POU6F2: variants seen among roughly 807,000 people sequenced by gnomAD.
POU6F2 encodes POU domain, class 6, transcription factor 2.
In POU6F2, 31 loss-of-function variants were observed where a neutral mutation model predicts 71.3. The observed-to-expected ratio is 0.43, with a 90% CI of 0.33 to 0.59. POU6F2 has a LOEUF of 0.59. Among genes scored for constraint, POU6F2 ranks in the 20% least tolerant of loss-of-function variants. The pLI, the probability that POU6F2 is intolerant of heterozygous loss-of-function variation, is 0.04. For synonymous variants in POU6F2, 347 were observed against 355.7 expected (o/e 0.98, Z 0.27); for missense variants, 783 against 856.8 (o/e 0.91, Z 1.07).
intron 1 of POU6F2, among the ~76,000 whole-genome samples, chr7:39,041,234 C>A (rs1269182268): frequency 1.3e-5 from 2 of 151,974 alleles, no homozygotes; most frequent in Non-Finnish European, 2.9e-5. Flanking sequence ...ATCGATGGAA[C>A]CATCTCTCTA....
At chr7:39,075,281 C>A (rs966213291) in intron 1 of POU6F2, among the ~76,000 whole-genome samples, 1 of 152,078 alleles carries the variant, frequency 6.6e-6, no homozygotes, top group Non-Finnish European at 1.5e-5. Flanking sequence ...AAAGCTAGAC[C>A]AGGCTCCAAA....
intron 4 of POU6F2, among the ~76,000 whole-genome samples, chr7:39,307,333 A>G (rs1413052381): frequency 1.3e-5 from 2 of 152,240 alleles, no homozygotes; most frequent in Non-Finnish European, 2.9e-5. Flanking sequence ...ATTAAAGTTA[A>G]TATTTTTTAG....
chr7:39,171,864 TAACTTACATCTTTCATGCTCA>T (rs1179732646), intron 2 of POU6F2, among the ~76,000 whole-genome samples: 1 of 152,222 alleles, frequency 6.6e-6, no homozygotes, highest in Non-Finnish European at 1.5e-5. Context: ...TCTGTATATT[TAACTTACATCTTTCATGCTCA>T]ACAGTTTCAT....
chr7:39,342,880 G>A (rs1323705837), intron 5 of POU6F2, among the ~76,000 whole-genome samples: 3 of 152,128 alleles, frequency 2.0e-5, no homozygotes, highest in Non-Finnish European at 4.4e-5. Flanking sequence ...AAACCAAGTT[G>A]TTTTAAGATA....
intron 2 of POU6F2, among the ~76,000 whole-genome samples, chr7:39,134,043 T>G (rs1183984856): frequency 6.6e-6 from 1 of 152,016 alleles, no homozygotes; most frequent in Non-Finnish European, 1.5e-5. Context: ...ACCGGCTAAT[T>G]TTTTATTTTT....
At chr7:39,204,758 T>C (rs1793973699) in intron 3 of POU6F2, among the ~76,000 whole-genome samples, 1 of 152,208 alleles carries the variant, frequency 6.6e-6, no homozygotes, top group African/African-American at 2.4e-5. Flanking sequence ...GTTCAGCTTA[T>C]TGGGTTTGAC....
rs564349956 is a variant in POU6F2 at position 39,468,500 on chromosome 7, T to A, written c.*3814T>A. ...AAAAACTGTACTTAATCTAGAGCAA[T>A]ATCTGTATGGTCAGTAAAGCTGCAC... On this transcript the variant is annotated 3_prime_UTR_variant, in exon 10 of 10. Coordinates refer to ENST00000518318, the MANE Select transcript of POU6F2 (RefSeq NM_001370959.1). 1 of 152,056 alleles carries A rather than the reference T, an allele frequency of 6.6e-6. No individual in the cohort carries two copies. The highest frequency in any genetic ancestry group is 1.5e-5 in the Non-Finnish European group (1 of 67,982). The allele number at this position is 152,056 out of a possible 1,614,324, so 9.4% of individuals were successfully genotyped here.
In POU6F2 at chr7:39,433,297, G is replaced by A. The variant is rs1489327940; in HGVS notation, c.1320+14G>A. 6.8e-6 allele frequency: 11 copies of A among 1,613,724 alleles called. No individual in the cohort carries two copies. The highest frequency in any genetic ancestry group is 8.5e-6 in the Non-Finnish European group (10 of 1,179,740). ...CCCGGCCAGCAGGTAAATGTTCCAG[G>A]CCAAGGCAGCCATGGCACAGGACAC... On this transcript the variant is annotated intron_variant, in intron 7 of 9. Transcript: ENST00000518318.
chr7:39,340,156 A>T, intron 5 of POU6F2, 141 bp downstream of exon 5: 1 of 1,230,654 alleles, frequency 8.1e-7, no homozygotes. Context: ...TCTCTTAGAC[A>T]TAGGGAAGAA....
At chr7:39,276,899 T>G in intron 4 of POU6F2, among the ~76,000 whole-genome samples, 6 of 133,274 alleles carry the variant, frequency 4.5e-5, no homozygotes, top group Non-Finnish European at 3.2e-5. Flanking sequence ...CTGGGGACTG[T>G]TGTGGGGTAG....
chr7:39,205,346 T>G (rs1793988262), intron 3 of POU6F2, among the ~76,000 whole-genome samples: 1 of 152,178 alleles, frequency 6.6e-6, no homozygotes. Context: ...TCTGCACACC[T>G]GCCTGTGAAC....
chr7:39,112,311 G>C (rs1464418411), intron 2 of POU6F2, among the ~76,000 whole-genome samples: 2 of 152,110 alleles, frequency 1.3e-5, no homozygotes, highest in African/African-American at 2.4e-5. Flanking sequence ...AATCTCATTG[G>C]AACAAATACC....
At position 39,159,964 on chromosome 7, in the gene POU6F2, A is replaced by T. The variant is rs1338429684; in HGVS notation, c.278-44271A>T. On this transcript the variant is annotated intron_variant, in intron 2 of 9. Transcript: ENST00000518318. ...ATCTTTGGATGGCATGGGCAATTTAAATAAGCCAATCCTGAGATTCTGACA... is the reference window on the plus strand; with the variant it reads ...ATCTTTGGATGGCATGGGCAATTTATATAAGCCAATCCTGAGATTCTGACA... 5.9e-5 allele frequency among the ~76,000 whole-genome samples: 9 copies of T among 152,320 alleles called. No homozygotes were observed. In the East Asian group the frequency reaches 1.5e-3, roughly 26 times the overall value.
chr7:39,336,976 G>A (rs529441905), intron 4 of POU6F2, among the ~76,000 whole-genome samples: 3 of 152,270 alleles, frequency 2.0e-5, no homozygotes, highest in Admixed American at 2.0e-4. Context: ...TGCTTTTCAA[G>A]TGCTTTTGAC....
chr7:39,175,700 T>C (rs1459319599), intron 2 of POU6F2, among the ~76,000 whole-genome samples: 1 of 152,210 alleles, frequency 6.6e-6, no homozygotes, highest in Non-Finnish European at 1.5e-5. Context: ...AAGGCCAGTG[T>C]GCCAGAGAAA....
At chr7:39,089,921 C>G (rs1791328557) in intron 2 of POU6F2, among the ~76,000 whole-genome samples, 1 of 151,256 alleles carries the variant, frequency 6.6e-6, no homozygotes, top group South Asian at 2.1e-4. Flanking sequence ...TAAGTCCCAG[C>G]TATCTTGGGT....
At chr7:39,397,300 G>A (rs1416652239) in intron 5 of POU6F2, among the ~76,000 whole-genome samples, 1 of 143,392 alleles carries the variant, frequency 7.0e-6, no homozygotes, top group Admixed American at 7.5e-5. Context: ...CCAATGTGGT[G>A]TGAGAGATTG....
At chr7:39,031,594 A>G (rs977499209) in intron 1 of POU6F2, among the ~76,000 whole-genome samples, 3 of 151,998 alleles carry the variant, frequency 2.0e-5, no homozygotes, top group Admixed American at 6.6e-5. Context: ...TTAGCATTGC[A>G]CTTGCCAGCC....
At chr7:39,172,636 T>C (rs1793243237) in intron 2 of POU6F2, among the ~76,000 whole-genome samples, 1 of 151,454 alleles carries the variant, frequency 6.6e-6, no homozygotes, top group Non-Finnish European at 1.5e-5. Context: ...TTTTTTTTTT[T>C]TTGAGGCAAA....
Sources: gnomAD v4.1 joint callset for allele counts (sites outside exome capture counted in the v4.1 genomes callset) on GRCh38, gnomAD v4.1.1 for gene constraint, MANE v1.5 for transcripts, NCBI Gene and HGNC (gene_info 2026-07-23, HGNC 2026-07-21) for gene names.